Variants in ARAP1 observed in about 807,000 individuals in gnomAD.
ARAP1 encodes the protein ArfGAP with RhoGAP domain, ankyrin repeat and PH domain 1, also known as arf-GAP with Rho-GAP domain, ANK repeat and PH domain-containing protein 1.
Under a neutral mutation model 172.2 loss-of-function variants are expected in ARAP1, and 76 were observed. The ratio of observed to expected loss-of-function variants is 0.44; its 90% CI spans 0.37 to 0.53. ARAP1 has a LOEUF of 0.53. ARAP1 is among the 20% of genes least tolerant of loss of function. ARAP1 has a pLI of 0.00. For missense variants in ARAP1, 1,686 were observed against 1,977.5 expected, an observed-to-expected ratio of 0.85 and a Z score of 2.80; for synonymous variants, 804 against 803.3, an observed-to-expected ratio of 1.00 and a Z score of -0.01.
intron 2 of ARAP1, among the ~76,000 whole-genome samples, chr11:72,731,190 G>A (rs934159641): frequency 1.3e-5 from 2 of 152,168 alleles, no homozygotes; most frequent in Admixed American, 1.3e-4. Context: ...AGAGTTCACA[G>A]GGCCTGAAGT....
At chr11:72,749,807 A>C (rs563599591) in intron 1 of ARAP1, among the ~76,000 whole-genome samples, 2 of 151,872 alleles carry the variant, frequency 1.3e-5, no homozygotes, top group Middle Eastern at 3.4e-3. Context: ...GCATGAACCC[A>C]GAAGGTGGAG....
intron 3 of ARAP1, among the ~76,000 whole-genome samples, chr11:72,718,764 A>G (rs34360064): frequency 0.069 from 10,556 of 152,222 alleles, 517 homozygotes; most frequent in Middle Eastern, 0.11. Context: ...AGCAGACCTC[A>G]TGCCTGGGGG....
intron 11 of ARAP1, 107 bp from the exon 12 acceptor site, chr11:72,707,481 A>G: frequency 9.5e-7 from 1 of 1,052,792 alleles, no homozygotes; most frequent in Non-Finnish European, 1.3e-6. Flanking sequence ...GGGAGCGCTT[A>G]GGCAAAAGAG....
intron 30 of ARAP1, among the ~76,000 whole-genome samples, chr11:72,691,618 T>C (rs1855935690): frequency 6.6e-6 from 1 of 152,178 alleles, no homozygotes; most frequent in Admixed American, 6.5e-5. Flanking sequence ...GAGGTCCTGC[T>C]CTATCTGCTC....
chr11:72,715,115 G>C (rs1316194684), intron 3 of ARAP1, among the ~76,000 whole-genome samples: 2 of 152,238 alleles, frequency 1.3e-5, no homozygotes, highest in Non-Finnish European at 2.9e-5. Context: ...TAGTTTCTTA[G>C]TTCTTGTGTG....
In ARAP1 at chr11:72,699,641, C is replaced by A; in HGVS notation, c.2303-89G>T. 6.7e-7 allele frequency: 1 copy of A among 1,500,388 alleles called. No homozygotes were observed. The highest frequency in any genetic ancestry group is 9.0e-7 in the Non-Finnish European group (1 of 1,115,642). 92.9% of individuals were successfully genotyped at this position (1,500,388 alleles called of 1,614,324 possible). ...ATCCTCCCGGGGCTCCTGCTCCCAT[C>A]TGACCCATGAGCTCTTCATTCTCTC... On this transcript the variant is annotated intron_variant, in intron 16 of 34. Transcript: ENST00000393609. The surrounding 1 kb of genome is among the most constrained non-coding windows in gnomAD (Gnocchi z 4.2).
At position 72,710,352 on chromosome 11, in the gene ARAP1, G is replaced by A. The variant is rs1273763861; in HGVS notation, c.1416+33C>T. The A allele has an allele frequency of 6.2e-7, 1 of 1,610,786 alleles. No homozygotes were observed. The highest frequency in any genetic ancestry group is 8.5e-7 in the Non-Finnish European group (1 of 1,177,510). ...AGCCTGGGGCAGGGTAGGTGGACAT[G>A]GGCAGGGGAGAGGTTCCATGACCCC... On this transcript the variant is annotated intron_variant, in intron 10 of 34. Coordinates refer to ENST00000393609, the MANE Select transcript of ARAP1 (RefSeq NM_001040118.3). This position sits in a 1 kb window ranked among gnomAD's most constrained non-coding sequence, Gnocchi z 4.3.
Position 72,698,067 on chromosome 11 carries a change from C to T in ARAP1, c.2581G>A (p.Asp861Asn), listed in dbSNP as rs982245068. Residue 861 changes from aspartate (D) to asparagine (N), a missense_variant, in exon 19 of 35, where the codon GAT (aspartate) becomes AAT (asparagine). By Grantham distance (23) the Asp-to-Asn change is conservative (BLOSUM62 1). Transcript: ENST00000393609. ...GGTAGGCGTCCCAGCCGCTCAAAAT[C>T]CCGGGCCAGCAGATCCTCGGCTAGG... is the stretch of plus-strand genomic sequence containing the variant. The part of the protein sequence containing the change: ...PPLAEDLLAR[D>N]FERLGRLPYK... 14 of 1,606,080 alleles carry T rather than the reference C, an allele frequency of 8.7e-6. No homozygotes were observed. Among genetic ancestry groups the T allele is most frequent in the African/African-American group, 1.3e-5 (1 of 74,840 alleles).
At chr11:72,706,028 T>G (rs780484028) in intron 12 of ARAP1, 138 bp from the exon 13 acceptor site, 1 of 741,240 alleles carries the variant, frequency 1.3e-6, no homozygotes, top group Non-Finnish European at 2.2e-6. Flanking sequence ...CTGGCAGCTC[T>G]GGAATCCAGC....
chr11:72,722,111 G>A, intron 3 of ARAP1: 1 of 985,356 alleles, frequency 1.0e-6, no homozygotes, highest in Non-Finnish European at 1.2e-6. Context: ...GTGTGTGTTT[G>A]TTTCTGTGTA....
At position 72,693,787 on chromosome 11, in the gene ARAP1, G is replaced by A. The variant is rs547455432; in HGVS notation, c.3713C>T (p.Ala1238Val). 15 of 1,605,908 alleles carry A rather than the reference G, an allele frequency of 9.3e-6. No individual in the cohort carries two copies. Among genetic ancestry groups the A allele is most frequent in the African/African-American group, 2.7e-5 (2 of 74,848 alleles). Residue 1238 changes from alanine to valine, a missense_variant, in exon 28 of 35, where the codon GCG becomes GTG. Physicochemically the swap from Ala to Val is moderately conservative, Grantham distance 64. Transcript: ENST00000393609. This position sits in a 1 kb window ranked among gnomAD's most constrained non-coding sequence, Gnocchi z 4.6. ...GTGCAGGATGGGCAGCACCTTCTCC[G>A]CAAAGTGCAGGGGGCGCTCTGGGGA... is the stretch of plus-strand genomic sequence containing the variant. ...REEAERPLHF[A>V]EKVLPILHGL... is the part of the protein sequence containing the mutation.
intron 30 of ARAP1, among the ~76,000 whole-genome samples, chr11:72,691,726 G>A (rs1855940168): frequency 6.6e-6 from 1 of 152,130 alleles, no homozygotes; most frequent in Non-Finnish European, 1.5e-5. Context: ...GTGGGTAGCT[G>A]TGGGAGCTCA....
chr11:72,689,627 G>A (rs1164948716), intron 30 of ARAP1: 4 of 152,256 alleles, frequency 2.6e-5, no homozygotes, highest in African/African-American at 7.2e-5. Flanking sequence ...TTAGGGACTG[G>A]AGAAGACCTC....
At position 72,696,623 on chromosome 11, in the gene ARAP1, C is replaced by A. The variant is rs1042175220; in HGVS notation, c.3198G>T (p.Arg1066Ser). 6.2e-7 allele frequency: 1 copy of A among 1,605,266 alleles called. No individual in the cohort carries two copies. Among genetic ancestry groups the A allele is most frequent in the African/African-American group, 1.3e-5 (1 of 74,666 alleles). Reference protein sequence around the residue: ...EIEDEEEKVSRYRELLVRLPP... With the variant: ...EIEDEEEKVSSYRELLVRLPP... ...GCAGCCGCACCAGCAGCTCTCGGTA[C>A]CTGGAGACCTTCTCCTCCTCGTCCT... Residue 1066 changes from arginine (R) to serine (S), a missense_variant, in exon 23 of 35, where the codon AGG becomes AGT. Arg to Ser is a moderately radical substitution (Grantham distance 110). Coordinates refer to ENST00000393609, the MANE Select transcript of ARAP1 (RefSeq NM_001040118.3).
intron 13 of ARAP1, chr11:72,705,104 CGGA>C (rs1856695529): frequency 2.6e-5 from 4 of 152,296 alleles, no homozygotes; most frequent in Non-Finnish European, 5.9e-5. Flanking sequence ...AGGTGAGAAA[CGGA>C]TGTGACACTC....
intron 2 of ARAP1, among the ~76,000 whole-genome samples, chr11:72,729,923 TAAAAA>T (rs11287535): frequency 7.4e-6 from 1 of 134,658 alleles, no homozygotes. Flanking sequence ...AGACTGTCTC[TAAAAA>T]AAAAAAAAAA....
intron 1 of ARAP1, among the ~76,000 whole-genome samples, chr11:72,738,911 C>T (rs1304955088): frequency 6.6e-6 from 1 of 152,180 alleles, no homozygotes; most frequent in Non-Finnish European, 1.5e-5. Flanking sequence ...AGCCCAATAC[C>T]CCACCCTTGG....
At position 72,703,412 on chromosome 11, in the gene ARAP1, G is replaced by C. The variant is rs564957323; in HGVS notation, c.1993-333C>G. ...CCTTCTGCCTTGTGGAGGAGCCGGG[G>C]GGGGGGTGTGCTTTGTAGCTAATTC... On this transcript the variant is annotated intron_variant, in intron 14 of 34. Coordinates refer to ENST00000393609, the MANE Select transcript of ARAP1 (RefSeq NM_001040118.3). 91 of 175,378 alleles carry C rather than the reference G, an allele frequency of 5.2e-4. 9 individuals are homozygous for C. In the Middle Eastern group the frequency reaches 6.2e-3, roughly 12 times the overall value. The allele number at this position is 175,378 out of a possible 1,614,324, so 10.9% of individuals were successfully genotyped here.
chr11:72,728,241 C>G (rs938697135), intron 2 of ARAP1, among the ~76,000 whole-genome samples: 7 of 152,178 alleles, frequency 4.6e-5, no homozygotes, highest in African/African-American at 1.4e-4. Flanking sequence ...AGAAGGTCAA[C>G]TGAGAAACTA....
Sources: gnomAD v4.1 joint callset for allele counts (sites outside exome capture counted in the v4.1 genomes callset) on GRCh38, gnomAD v4.1.1 for gene constraint, Gnocchi (gnomAD v3.1) non-coding constraint, MANE v1.5 for transcripts, NCBI Gene and HGNC (gene_info 2026-07-23, HGNC 2026-07-21) for gene names.